The following CCDC171 variants were observed in gnomAD, a reference collection of about 807,000 sequenced individuals.
CCDC171 encodes the protein coiled-coil domain-containing protein 171.
A neutral mutation model predicts 168.2 loss-of-function variants in CCDC171; 177 were observed. The ratio of observed to expected loss-of-function variants is 1.05; its 90% CI spans 0.93 to 1.19. The LOEUF (loss-of-function observed/expected upper bound fraction) is 1.19, where lower values mean the gene tolerates loss of function less well. CCDC171 is among the 50% of genes most tolerant of loss of function. The pLI, the probability that CCDC171 is intolerant of heterozygous loss-of-function variation, is 0.00. For synonymous variants in CCDC171, 687 were observed against 540.8 expected, an observed-to-expected ratio of 1.27 and a Z score of -3.75; for missense variants, 1,991 against 1,539.0, an observed-to-expected ratio of 1.29 and a Z score of -4.91.
chr9:15,638,631 A>AT lies in CCDC171; in HGVS notation c.822+15225dup, dbSNP rs905524107. 3.3e-5 allele frequency among the ~76,000 whole-genome samples: 5 copies of AT among 152,070 alleles called. No individual in the cohort carries two copies. In the East Asian group the frequency reaches 5.8e-4, roughly 18 times the overall value. Reference sequence around the variant, plus strand: ...TAACAGTTGCATTTCTTGAAAGGTGATTTTTTTATGTGCCTGAGCCAAAGA... The same window carrying AT: ...TAACAGTTGCATTTCTTGAAAGGTGATTTTTTTTATGTGCCTGAGCCAAAGA... On this transcript the variant is annotated intron_variant, in intron 7 of 25. Coordinates refer to ENST00000380701, the MANE Select transcript of CCDC171 (RefSeq NM_173550.4).
chr9:15,700,115 T>A (rs939127945), intron 11 of CCDC171, among the ~76,000 whole-genome samples: 2 of 152,004 alleles, frequency 1.3e-5, no homozygotes, highest in Non-Finnish European at 2.9e-5. Context: ...TCAGGGAGGC[T>A]CCGGTGCACA....
intron 7 of CCDC171, chr9:16,036,073 C>CAAGT (rs1833461751): frequency 6.6e-6 from 1 of 152,172 alleles, no homozygotes; most frequent in African/African-American, 2.4e-5. Flanking sequence ...CTCTAATGAT[C>CAAGT]ACTTCTTCCC....
chr9:15,590,964 C>G (rs555640894), intron 4 of CCDC171, among the ~76,000 whole-genome samples: 108 of 151,982 alleles, frequency 7.1e-4, no homozygotes, highest in African/African-American at 2.6e-3. Context: ...ATCCTCCCGC[C>G]TCAGCCTCCA....
intron 10 of CCDC171, among the ~76,000 whole-genome samples, chr9:15,694,837 T>C (rs1232868280): frequency 6.6e-6 from 1 of 152,248 alleles, no homozygotes; most frequent in African/African-American, 2.4e-5. Context: ...GTCTTAACTG[T>C]CTTCACTTTT....
At chr9:15,907,220 AC>A (rs1822806533) in intron 24 of CCDC171, among the ~76,000 whole-genome samples, 3 of 152,212 alleles carry the variant, frequency 2.0e-5, no homozygotes, top group Admixed American at 6.5e-5. Context: ...AGCCAAAAGA[AC>A]AAAGCTGGAG....
At chr9:15,660,672 G>T (rs561626817) in intron 8 of CCDC171, among the ~76,000 whole-genome samples, 1 of 152,126 alleles carries the variant, frequency 6.6e-6, no homozygotes, top group Non-Finnish European at 1.5e-5. Context: ...TTATGGCTGC[G>T]TAGTAATCCA....
intron 18 of CCDC171, among the ~76,000 whole-genome samples, chr9:15,775,206 A>G (rs1287050901): frequency 6.6e-6 from 1 of 152,226 alleles, no homozygotes; most frequent in Non-Finnish European, 1.5e-5. Context: ...ATTCATTGAG[A>G]GTCGGCAGTT....
At chr9:15,580,865 C>T (rs1042170880) in intron 4 of CCDC171, among the ~76,000 whole-genome samples, 26 of 151,886 alleles carry the variant, frequency 1.7e-4, no homozygotes, top group Admixed American at 4.6e-4. Flanking sequence ...CTTTGAAAAC[C>T]GGCACAAGAC....
chr9:15,629,320 A>G (rs988819108), intron 7 of CCDC171, among the ~76,000 whole-genome samples: 1 of 152,230 alleles, frequency 6.6e-6, no homozygotes, highest in African/African-American at 2.4e-5. Context: ...ACCAATACAG[A>G]GAAGTGCTTA....
chr9:15,912,990 T>G (rs1823936154), intron 24 of CCDC171, among the ~76,000 whole-genome samples: 1 of 152,346 alleles, frequency 6.6e-6, no homozygotes, highest in South Asian at 2.1e-4. Flanking sequence ...GATATTGGCT[T>G]GAAATTTTCT....
intron 24 of CCDC171, among the ~76,000 whole-genome samples, chr9:15,916,356 G>A (rs1824508445): frequency 2.0e-5 from 3 of 151,780 alleles, no homozygotes; most frequent in African/African-American, 7.3e-5. Context: ...TTGTGAGAAT[G>A]TATTACATTT....
intron 7 of CCDC171, among the ~76,000 whole-genome samples, chr9:15,631,668 T>G (rs1410693437): frequency 5.3e-5 from 8 of 152,208 alleles, no homozygotes; most frequent in Admixed American, 5.2e-4. Flanking sequence ...TAACTCATTT[T>G]ATGAGGCCAG....
intron 21 of CCDC171, among the ~76,000 whole-genome samples, chr9:15,838,472 C>G (rs1363562163): frequency 1.3e-5 from 2 of 152,208 alleles, no homozygotes; most frequent in Non-Finnish European, 2.9e-5. Flanking sequence ...CCTTCAGAAG[C>G]TTCCCATGGC....
chr9:15,613,798 C>A (rs1184448192), intron 6 of CCDC171, among the ~76,000 whole-genome samples: 2 of 152,148 alleles, frequency 1.3e-5, no homozygotes, highest in Non-Finnish European at 2.9e-5. Flanking sequence ...GCGGGGATTA[C>A]AGGCGTGAAC....
intron 9 of CCDC171, among the ~76,000 whole-genome samples, chr9:15,675,462 T>C (rs1171297086): frequency 6.6e-6 from 1 of 152,184 alleles, no homozygotes; most frequent in Non-Finnish European, 1.5e-5. Context: ...AGTTTCTTCC[T>C]AGCCTTGATA....
intron 11 of CCDC171, among the ~76,000 whole-genome samples, chr9:15,698,792 A>G (rs1395405453): frequency 3.3e-5 from 5 of 152,096 alleles, no homozygotes; most frequent in East Asian, 1.9e-4. Flanking sequence ...GGCTCAAACA[A>G]TCCTCCTGCC....
intron 3 of CCDC171, among the ~76,000 whole-genome samples, chr9:15,986,564 A>C (rs1442508150): frequency 6.6e-6 from 1 of 151,802 alleles, no homozygotes; most frequent in Admixed American, 6.5e-5. Context: ...CTGTAATGGG[A>C]AAGATTTTAT....
chr9:15,654,219 A>G (rs976314677), intron 7 of CCDC171, among the ~76,000 whole-genome samples: 1 of 152,206 alleles, frequency 6.6e-6, no homozygotes, highest in African/African-American at 2.4e-5. Context: ...AAAAACCAAA[A>G]CTATTTTCTA....
At chr9:15,880,617 C>T (rs1191127449) in intron 24 of CCDC171, among the ~76,000 whole-genome samples, 4 of 136,954 alleles carry the variant, frequency 2.9e-5, no homozygotes, top group East Asian at 2.2e-4. Context: ...CCACCATGCC[C>T]GCCTAATTGT....
Sources: allele counts gnomAD v4.1 joint callset (sites outside exome capture counted in the v4.1 genomes callset), GRCh38; gene constraint gnomAD v4.1.1; transcripts MANE v1.5; gene names NCBI Gene and HGNC (gene_info 2026-07-23, HGNC 2026-07-21).